PRTFDC1: variants seen among roughly 807,000 people sequenced by gnomAD.
PRTFDC1 encodes phosphoribosyltransferase domain-containing protein 1.
PRTFDC1 carries 38 observed loss-of-function variants against 34.6 expected under a neutral mutation model. The observed-to-expected ratio is 1.10, with a 90% confidence interval of 0.85 to 1.44. The LOEUF (loss-of-function observed/expected upper bound fraction) is 1.44. Among genes scored for constraint, PRTFDC1 ranks in the 40% most tolerant of loss-of-function variants. The pLI is 0.00. For missense variants in PRTFDC1, 270 were observed against 283.0 expected (o/e 0.95, Z 0.33); for synonymous variants, 93 against 98.1 (o/e 0.95, Z 0.31).
At position 24,937,165 on chromosome 10, in the gene PRTFDC1, G is replaced by A. The variant is rs148340695; in HGVS notation, c.339+19C>T. The A allele has an allele frequency of 3.4e-5, 53 of 1,573,676 alleles. No homozygotes were observed. In the Middle Eastern group the frequency reaches 5.1e-4, roughly 15 times the overall value. Reference sequence around the variant, plus strand: ...ATTGTTAAATGAAATGTCATAAAGCGGAACTTGTAATAACTTACCCTGTAA... The same window carrying A: ...ATTGTTAAATGAAATGTCATAAAGCAGAACTTGTAATAACTTACCCTGTAA... On this transcript the variant is annotated intron_variant, in intron 3 of 8. Coordinates refer to ENST00000320152, the MANE Select transcript of PRTFDC1 (RefSeq NM_020200.7).
chr10:24,943,127 C>G (rs146232912), intron 1 of PRTFDC1, among the ~76,000 whole-genome samples: 1 of 150,892 alleles, frequency 6.6e-6, no homozygotes, highest in African/African-American at 2.4e-5. Flanking sequence ...CATGCAGTAT[C>G]ATTATTATAT....
At chr10:24,871,288 G>A (rs1213278465) in intron 4 of PRTFDC1, among the ~76,000 whole-genome samples, 1 of 152,016 alleles carries the variant, frequency 6.6e-6, no homozygotes, top group African/African-American at 2.4e-5. Flanking sequence ...AGGTCAGTAC[G>A]GCTGAACAAA....
intron 4 of PRTFDC1, among the ~76,000 whole-genome samples, chr10:24,871,037 A>G (rs904382620): frequency 1.4e-5 from 2 of 139,474 alleles, no homozygotes; most frequent in Non-Finnish European, 3.0e-5. Context: ...ACGCCAGTGC[A>G]CTCCAACCTG....
Position 24,942,417 on chromosome 10 carries a change from C to G in PRTFDC1, c.68G>C (p.Gly23Ala). 6.2e-7 allele frequency: 1 copy of G among 1,613,364 alleles called. No individual in the cohort carries two copies. Among genetic ancestry groups the G allele is most frequent in the South Asian group, 1.1e-5 (1 of 91,058 alleles). Residue 23 changes from glycine (G) to alanine (A), a missense_variant, in exon 2 of 9, where the codon GGG becomes GCG. Transcript: ENST00000320152. ...RGVVIMDDWP[G>A]YDLNLFTYPQ... ...GTACGTGAATAAATTCAAGTCATAC[C>G]CTGGCCAATCATCCATAATCTGCAA... is the stretch of plus-strand genomic sequence containing the variant.
chr10:24,874,725 C>T (rs536751302), intron 3 of PRTFDC1, among the ~76,000 whole-genome samples: 32 of 152,222 alleles, frequency 2.1e-4, no homozygotes, highest in African/African-American at 7.2e-4. Flanking sequence ...AGTGTACAAA[C>T]GTGTTTTTTT....
intron 3 of PRTFDC1, among the ~76,000 whole-genome samples, chr10:24,895,688 G>GATATATATAT (rs762084915): frequency 7.0e-4 from 33 of 47,406 alleles, no homozygotes; most frequent in South Asian, 1.0e-3. Flanking sequence ...AGCTGGGGTG[G>GATATATATAT]ATATATATAT....
chr10:24,851,243 G>T (rs1847482056), intron 8 of PRTFDC1, 145 bp downstream of exon 8: 1 of 1,192,708 alleles, frequency 8.4e-7, no homozygotes. Context: ...GAGTTAATTG[G>T]GAGTATGGAT....
chr10:24,878,477 G>A (rs1371687172), intron 3 of PRTFDC1, among the ~76,000 whole-genome samples: 1 of 152,208 alleles, frequency 6.6e-6, no homozygotes. Flanking sequence ...TGAAGTCAGA[G>A]GCATAAGTTG....
intron 3 of PRTFDC1, among the ~76,000 whole-genome samples, chr10:24,877,858 C>T (rs1257210264): frequency 6.6e-6 from 1 of 151,986 alleles, no homozygotes; most frequent in African/African-American, 2.4e-5. Flanking sequence ...TGGCCTCAAG[C>T]AGTCTGCCTG....
chr10:24,924,750 C>A (rs1313239000), intron 3 of PRTFDC1, among the ~76,000 whole-genome samples: 1 of 152,116 alleles, frequency 6.6e-6, no homozygotes, highest in Non-Finnish European at 1.5e-5. Flanking sequence ...CAGAGAAATG[C>A]AAATCAAAAC....
intron 3 of PRTFDC1, among the ~76,000 whole-genome samples, chr10:24,935,142 T>A (rs1161816158): frequency 6.6e-6 from 1 of 152,226 alleles, no homozygotes; most frequent in Non-Finnish European, 1.5e-5. Context: ...CATGATTGTA[T>A]GCATTTGTTG....
intron 3 of PRTFDC1, among the ~76,000 whole-genome samples, chr10:24,931,921 A>AAC (rs994729145): frequency 1.6e-4 from 24 of 146,996 alleles, no homozygotes; most frequent in African/African-American, 5.2e-4. Flanking sequence ...AAGAAAAAAA[A>AAC]AAAACAAAAA....
intron 7 of PRTFDC1, 150 bp downstream of exon 7, chr10:24,855,168 A>G (rs958230437): frequency 4.3e-6 from 3 of 701,062 alleles, no homozygotes; most frequent in Non-Finnish European, 7.1e-6. Flanking sequence ...GGGGGAGATC[A>G]TGAGGAATCC....
intron 3 of PRTFDC1, among the ~76,000 whole-genome samples, chr10:24,888,375 C>T (rs576994976): frequency 6.6e-6 from 1 of 152,258 alleles, no homozygotes; most frequent in East Asian, 1.9e-4. Context: ...TGACACCTAC[C>T]CGTTTGGGTT....
intron 3 of PRTFDC1, among the ~76,000 whole-genome samples, chr10:24,888,306 G>A (rs553934187): frequency 5.0e-4 from 76 of 152,268 alleles, no homozygotes; most frequent in Middle Eastern, 3.4e-3. Context: ...CTCAGACCCT[G>A]CCCTGCCCCT....
chr10:24,878,510 T>C (rs756176517), intron 3 of PRTFDC1, among the ~76,000 whole-genome samples: 4 of 152,086 alleles, frequency 2.6e-5, no homozygotes, highest in Non-Finnish European at 5.9e-5. Flanking sequence ...GAAATCAACA[T>C]CTCCGTAGGA....
chr10:24,873,045 T>C (rs1433227629), intron 3 of PRTFDC1, among the ~76,000 whole-genome samples: 5 of 151,956 alleles, frequency 3.3e-5, no homozygotes, highest in Admixed American at 2.0e-4. Flanking sequence ...AGACTGGTCT[T>C]GAACTCCCGA....
Position 24,952,186 on chromosome 10 carries a change from G to GGGGT in PRTFDC1, c.48+338_48+341dup, listed in dbSNP as rs1490182142. On this transcript the variant is annotated intron_variant, in intron 1 of 8. Transcript: ENST00000320152. This position sits in a 1 kb window ranked among gnomAD's most constrained non-coding sequence, Gnocchi z 5.1. ...AAGGAGGCCTCCAGAGCAGCACGCG[G>GGGGT]GGGTCTCTGGGGCCCTGCCGGGCTC... Among the ~76,000 whole-genome samples the GGGGT allele has an allele frequency of 6.6e-6, 1 of 152,200 alleles. No homozygotes were observed. The highest frequency in any genetic ancestry group is 2.4e-5 in the African/African-American group (1 of 41,460).
At chr10:24,869,006 T>G (rs978147138) in intron 4 of PRTFDC1, among the ~76,000 whole-genome samples, 4 of 152,224 alleles carry the variant, frequency 2.6e-5, no homozygotes, top group African/African-American at 9.6e-5. Flanking sequence ...GGGTAGCCAT[T>G]GCCTTGACTG....
Sources: allele counts gnomAD v4.1 joint callset (sites outside exome capture counted in the v4.1 genomes callset), GRCh38; gene constraint gnomAD v4.1.1; non-coding constraint Gnocchi (gnomAD v3.1); transcripts MANE v1.5; gene names NCBI Gene and HGNC (gene_info 2026-07-23, HGNC 2026-07-21).